Variants in ETS1 observed in about 807,000 individuals in gnomAD.
ETS1 encodes ETS proto-oncogene 1, transcription factor, also known as protein C-ets-1.
A neutral mutation model predicts 58.6 loss-of-function variants in ETS1; 15 were observed. The observed-to-expected ratio is 0.26, with a 90% CI of 0.17 to 0.39. The LOEUF (loss-of-function observed/expected upper bound fraction) is 0.39. Among genes scored for constraint, ETS1 ranks in the 10% least tolerant of loss-of-function variants. The probability of loss-of-function intolerance (pLI) is 1.00; values close to 1 mark genes in which losing one functional copy is unlikely to be tolerated. For synonymous variants in ETS1, 214 were observed against 218.2 expected (o/e 0.98, Z 0.17); for missense variants, 417 against 610.5 (o/e 0.68, Z 3.34).
intron 8 of ETS1, among the ~76,000 whole-genome samples, chr11:128,468,059 A>C (rs1051630619): frequency 2.0e-5 from 3 of 152,134 alleles, no homozygotes; most frequent in African/African-American, 7.2e-5. Context: ...GACAGGTCTG[A>C]TTTGAAGAAC....
At chr11:128,472,098 A>G (rs989540234) in intron 8 of ETS1, among the ~76,000 whole-genome samples, 1 of 152,222 alleles carries the variant, frequency 6.6e-6, no homozygotes, top group Non-Finnish European at 1.5e-5. Context: ...GCATGGAGGT[A>G]GCGGAACAAG....
rs151024985 is a variant in ETS1, at chr11:128,587,254, G to A, written c.-15+234C>T. ...GCATGGTTTTACTTTTGTGAAGCAGGGAACATTTTTAAAAACATAGTCTTG... is the reference window on the plus strand; with the variant it reads ...GCATGGTTTTACTTTTGTGAAGCAGAGAACATTTTTAAAAACATAGTCTTG... On this transcript the variant is annotated intron_variant, in intron 1 of 9. Transcript: ENST00000392668. 3.3e-3 allele frequency among the ~76,000 whole-genome samples: 496 copies of A among 152,014 alleles called. 1 individual carries two copies. Among genetic ancestry groups the A allele is most frequent in the Non-Finnish European group, 5.0e-3 (338 of 67,992 alleles).
chr11:128,518,939 A>G (rs1481105541), intron 3 of ETS1, among the ~76,000 whole-genome samples: 1 of 152,258 alleles, frequency 6.6e-6, no homozygotes, highest in East Asian at 1.9e-4. Context: ...TCACCTCACC[A>G]AGAAGGTAGA....
At chr11:128,563,408 A>C (rs1011154972) in intron 2 of ETS1, among the ~76,000 whole-genome samples, 1 of 152,364 alleles carries the variant, frequency 6.6e-6, no homozygotes, top group South Asian at 2.1e-4. Flanking sequence ...GCAGAAAGAC[A>C]CAAGACTAGA....
chr11:128,467,868 A>G (rs998701071), intron 8 of ETS1, among the ~76,000 whole-genome samples: 1 of 152,064 alleles, frequency 6.6e-6, no homozygotes, highest in Non-Finnish European at 1.5e-5. Flanking sequence ...TTCCAGAGCC[A>G]TGCGGGCGGG....
intron 7 of ETS1, 35 bp from the exon 8 acceptor site, chr11:128,480,486 G>A: frequency 1.3e-6 from 2 of 1,503,236 alleles, no homozygotes; most frequent in Non-Finnish European, 1.8e-6. Context: ...AGAGGACAGG[G>A]GGAGGAGGGA....
rs73582837 is a variant in ETS1, at chr11:128,487,785, A to G, written c.535+1505T>C. On this transcript the variant is annotated intron_variant, in intron 5 of 9. Transcript: ENST00000392668. ...AAAATAAAAATATACTGAAAGTTGA[A>G]ATAAAATGAAGAAAAGGAGATGAGT... 3.3e-3 allele frequency among the ~76,000 whole-genome samples: 495 copies of G among 152,208 alleles called. 2 individuals carry two copies. The highest frequency in any genetic ancestry group is 0.011 in the African/African-American group (462 of 41,528).
At chr11:128,519,163 T>C (rs1863599522) in intron 3 of ETS1, among the ~76,000 whole-genome samples, 1 of 152,252 alleles carries the variant, frequency 6.6e-6, no homozygotes, top group South Asian at 2.1e-4. Context: ...AAGTCAATTC[T>C]ACTGTTATTT....
At chr11:128,546,274 A>G (rs1864131435) in intron 3 of ETS1, among the ~76,000 whole-genome samples, 1 of 152,232 alleles carries the variant, frequency 6.6e-6, no homozygotes, top group Non-Finnish European at 1.5e-5. Context: ...ACAGAAGCTA[A>G]TGATCAGAAA....
At chr11:128,519,660 C>A (rs1863612162) in intron 3 of ETS1, among the ~76,000 whole-genome samples, 2 of 152,194 alleles carry the variant, frequency 1.3e-5, no homozygotes, top group South Asian at 4.1e-4. Flanking sequence ...TAAGTCTCAG[C>A]TGAGGTTTCT....
At chr11:128,518,245 G>A (rs1863575827) in intron 3 of ETS1, among the ~76,000 whole-genome samples, 2 of 152,200 alleles carry the variant, frequency 1.3e-5, no homozygotes, top group Admixed American at 6.5e-5. Flanking sequence ...CTAAGCAGGT[G>A]AAAAGGTCCT....
At chr11:128,551,482 G>A (rs920673153) in intron 3 of ETS1, among the ~76,000 whole-genome samples, 1 of 152,198 alleles carries the variant, frequency 6.6e-6, no homozygotes, top group Non-Finnish European at 1.5e-5. Flanking sequence ...CCACCATTTT[G>A]TTAGTAAATT....
chr11:128,531,303 G>C (rs1863893587), intron 3 of ETS1, among the ~76,000 whole-genome samples: 1 of 152,202 alleles, frequency 6.6e-6, no homozygotes, highest in African/African-American at 2.4e-5. Flanking sequence ...GAGTTGAACT[G>C]AGATGAGATG....
At chr11:128,563,424 A>G (rs3948853) in intron 2 of ETS1, among the ~76,000 whole-genome samples, 48,933 of 152,006 alleles carry the variant, frequency 0.32, 9,227 homozygotes, top group Non-Finnish European at 0.42. Context: ...CTAGAAATCA[A>G]GCAGCCTGGG....
intron 3 of ETS1, among the ~76,000 whole-genome samples, chr11:128,510,513 C>A (rs935241718): frequency 6.6e-6 from 1 of 152,248 alleles, no homozygotes; most frequent in East Asian, 1.9e-4. Flanking sequence ...ACCCCTTAGG[C>A]CTGACCCAAA....
intron 5 of ETS1, among the ~76,000 whole-genome samples, chr11:128,487,834 T>A (rs1862678749): frequency 6.6e-6 from 1 of 152,194 alleles, no homozygotes; most frequent in East Asian, 1.9e-4. Flanking sequence ...TCGCCTACCC[T>A]GAGCTTCATT....
At chr11:128,477,055 T>G (rs1193208485) in intron 8 of ETS1, among the ~76,000 whole-genome samples, 1 of 152,242 alleles carries the variant, frequency 6.6e-6, no homozygotes, top group Non-Finnish European at 1.5e-5. Context: ...GCACTTACAG[T>G]GCAGTAAGAA....
chr11:128,483,896 A>G (rs1453977576), intron 7 of ETS1, among the ~76,000 whole-genome samples: 1 of 152,172 alleles, frequency 6.6e-6, no homozygotes, highest in East Asian at 1.9e-4. Context: ...TCCTCTTCCC[A>G]TTTATAATTC....
intron 8 of ETS1, among the ~76,000 whole-genome samples, chr11:128,468,828 C>T (rs530432312): frequency 6.6e-6 from 1 of 152,302 alleles, no homozygotes; most frequent in Non-Finnish European, 1.5e-5. Context: ...CACAGTGCCT[C>T]ACCAACAAAC....
Sources: gnomAD v4.1 joint callset for allele counts (sites outside exome capture counted in the v4.1 genomes callset) on GRCh38, gnomAD v4.1.1 for gene constraint, MANE v1.5 for transcripts, NCBI Gene and HGNC (gene_info 2026-07-23, HGNC 2026-07-21) for gene names.